Variants in BEND6 observed in about 807,000 individuals in gnomAD.
BEND6 encodes BEN domain-containing protein 6.
Under a neutral mutation model 31.8 loss-of-function variants are expected in BEND6, and 24 were observed. That is an observed-to-expected ratio of 0.75 (90% CI 0.55 to 1.06). BEND6 has a LOEUF of 1.06. BEND6 is among the 50% of genes least tolerant of loss of function. BEND6 has a pLI of 0.00. For synonymous variants in BEND6, 109 were observed against 114.6 expected (o/e 0.95, Z 0.31); for missense variants, 294 against 327.4 (o/e 0.90, Z 0.79).
chr6:56,965,648 C>T (rs140186658), intron 1 of BEND6, among the ~76,000 whole-genome samples: 76 of 140,876 alleles, frequency 5.4e-4, no homozygotes, highest in Non-Finnish European at 8.5e-4. Flanking sequence ...TGTGACAAAG[C>T]GAGATCCTGT....
intron 3 of BEND6, among the ~76,000 whole-genome samples, chr6:57,005,769 T>A (rs575121221): frequency 1.9e-3 from 273 of 142,846 alleles, no homozygotes; most frequent in African/African-American, 7.5e-3. Flanking sequence ...GTAATCCCAA[T>A]TAAAATACCA....
rs865860557 is a variant in BEND6, at chr6:57,001,350, G to A, written c.298+8795G>A. Among the ~76,000 whole-genome samples, 14 of 152,116 alleles carry A rather than the reference G, an allele frequency of 9.2e-5. 2 individuals carry two copies. The South Asian group carries it at 2.7e-3, about 29-fold the overall frequency. On this transcript the variant is annotated intron_variant, in intron 3 of 6. Coordinates refer to ENST00000370746, the MANE Select transcript of BEND6 (RefSeq NM_152731.3). ...GGCCAATTTTTCTATTTTTTGAAAA[G>A]ATGGGGTTTTGCCATGTTGTCCAGG... is the stretch of plus-strand genomic sequence containing the variant.
At chr6:57,020,473 T>C (rs1322361487) in intron 6 of BEND6, among the ~76,000 whole-genome samples, 2 of 152,130 alleles carry the variant, frequency 1.3e-5, no homozygotes, top group African/African-American at 4.8e-5. Flanking sequence ...CAGGCTGTAG[T>C]TCAGTGGCGC....
At chr6:56,967,808 T>C (rs903311084) in intron 1 of BEND6, among the ~76,000 whole-genome samples, 2 of 152,198 alleles carry the variant, frequency 1.3e-5, no homozygotes, top group Non-Finnish European at 2.9e-5. Flanking sequence ...GACTTGATGA[T>C]TAGCTGCTAA....
chr6:57,000,340 T>TTAA (rs1347816523), intron 3 of BEND6, among the ~76,000 whole-genome samples: 1 of 151,792 alleles, frequency 6.6e-6, no homozygotes, highest in Non-Finnish European at 1.5e-5. Context: ...GTTAAATGGG[T>TTAA]TAAGGGTGGT....
intron 2 of BEND6, among the ~76,000 whole-genome samples, chr6:56,984,387 C>T (rs1053652518): frequency 5.3e-5 from 8 of 152,128 alleles, no homozygotes; most frequent in African/African-American, 1.7e-4. Flanking sequence ...CATCAGTGTA[C>T]GTGCCCAGCA....
Position 56,978,313 on chromosome 6 carries a change from T to A in BEND6, c.-100-3398T>A, listed in dbSNP as rs1825960151. On this transcript the variant is annotated intron_variant, in intron 1 of 6. Coordinates refer to ENST00000370746, the MANE Select transcript of BEND6 (RefSeq NM_152731.3). Reference sequence around the variant, plus strand: ...AAATAAAATAAAATAAAATATACAATTAAATGTGGAGGGTTTTTTTTGTAT... The same window carrying A: ...AAATAAAATAAAATAAAATATACAAATAAATGTGGAGGGTTTTTTTTGTAT... Among the ~76,000 whole-genome samples, 2 of 151,884 alleles carry A rather than the reference T, an allele frequency of 1.3e-5. 1 individual carries two copies. The highest frequency in any genetic ancestry group is 4.2e-4 in the South Asian group (2 of 4,818).
chr6:56,970,161 A>G (rs1825640766), intron 1 of BEND6, among the ~76,000 whole-genome samples: 1 of 152,170 alleles, frequency 6.6e-6, no homozygotes, highest in South Asian at 2.1e-4. Context: ...AAAAAAATTT[A>G]AAGCTCTTGG....
chr6:56,986,888 A>G (rs1232346910), intron 2 of BEND6, among the ~76,000 whole-genome samples: 1 of 151,516 alleles, frequency 6.6e-6, no homozygotes, highest in Admixed American at 6.6e-5. Flanking sequence ...GAAATTTGCC[A>G]TCCTGGCACA....
intron 1 of BEND6, among the ~76,000 whole-genome samples, chr6:56,970,611 G>C (rs867297037): frequency 2.1e-4 from 32 of 152,104 alleles, no homozygotes; most frequent in African/African-American, 7.5e-4. Context: ...GCCACATAGT[G>C]AATTTTTTTA....
At position 56,964,121 on chromosome 6, in the gene BEND6, A is replaced by T. The variant is rs1825385913; in HGVS notation, c.-101+8661A>T. On this transcript the variant is annotated intron_variant, in intron 1 of 6. Coordinates refer to ENST00000370746, the MANE Select transcript of BEND6 (RefSeq NM_152731.3). ...GTATTTTATTATTCCCATTTCACAGATGGAGAGACAGAAGCACAGAAAGAT... is the reference window on the plus strand; with the variant it reads ...GTATTTTATTATTCCCATTTCACAGTTGGAGAGACAGAAGCACAGAAAGAT... Among the ~76,000 whole-genome samples, 3 of 151,404 alleles carry T rather than the reference A, an allele frequency of 2.0e-5. No individual in the cohort carries two copies. The South Asian group carries it at 6.3e-4, about 32-fold the overall frequency.
At position 56,988,199 on chromosome 6, in the gene BEND6, G is replaced by A. The variant is rs1826354103; in HGVS notation, c.121-4179G>A. Among the ~76,000 whole-genome samples, 3 of 151,762 alleles carry A rather than the reference G, an allele frequency of 2.0e-5. No individual in the cohort carries two copies. The South Asian group carries it at 6.2e-4, about 32-fold the overall frequency. ...GCCCGGCTAATTTTTTGTATTTTTA[G>A]TTGAGACGGGGTTTCACCATGTTGG... On this transcript the variant is annotated intron_variant, in intron 2 of 6. Transcript: ENST00000370746.
At chr6:56,969,530 A>G (rs1475725052) in intron 1 of BEND6, among the ~76,000 whole-genome samples, 1 of 152,178 alleles carries the variant, frequency 6.6e-6, no homozygotes, top group Admixed American at 6.5e-5. Flanking sequence ...ATGTCTATAC[A>G]TTTCAAAACT....
At chr6:56,992,120 T>C (rs998681897) in intron 2 of BEND6, among the ~76,000 whole-genome samples, 2 of 152,244 alleles carry the variant, frequency 1.3e-5, no homozygotes, top group Non-Finnish European at 2.9e-5. Flanking sequence ...TTTTCTACTT[T>C]GTATTTTTCA....
Position 56,981,801 on chromosome 6 carries a change from A to G in BEND6, c.-10A>G. 1 of 1,611,560 alleles carries G rather than the reference A, an allele frequency of 6.2e-7. No homozygotes were observed. Among genetic ancestry groups the G allele is most frequent in the Non-Finnish European group, 8.5e-7 (1 of 1,179,022 alleles). On this transcript the variant is annotated 5_prime_UTR_variant, in exon 2 of 7. Transcript: ENST00000370746. ...GGATTTCAGAAAACCTTTGATAACT[A>G]ATTGAGAAAATGCAGAAGATCGTGC... is the stretch of plus-strand genomic sequence containing the variant.
intron 1 of BEND6, among the ~76,000 whole-genome samples, chr6:56,972,736 G>C (rs1825733187): frequency 6.6e-6 from 1 of 152,150 alleles, no homozygotes. Context: ...GTATTAGTAA[G>C]CTCAGGCCGC....
chr6:56,977,127 T>A (rs557188573), intron 1 of BEND6, among the ~76,000 whole-genome samples: 2 of 152,336 alleles, frequency 1.3e-5, no homozygotes, highest in Admixed American at 1.3e-4. Context: ...TTACAGATAG[T>A]GAAATTATAA....
intron 1 of BEND6, among the ~76,000 whole-genome samples, chr6:56,974,326 A>T (rs1326659623): frequency 1.3e-5 from 2 of 152,220 alleles, no homozygotes; most frequent in Non-Finnish European, 2.9e-5. Context: ...AAATATATGG[A>T]TCTTTAGGTC....
At chr6:57,018,830 T>G (rs914028800) in intron 6 of BEND6, among the ~76,000 whole-genome samples, 1 of 152,176 alleles carries the variant, frequency 6.6e-6, no homozygotes, top group East Asian at 1.9e-4. Context: ...GAAAGGGATA[T>G]AGTATGTAGT....
Sources: gnomAD v4.1 joint callset for allele counts (sites outside exome capture counted in the v4.1 genomes callset) on GRCh38, gnomAD v4.1.1 for gene constraint, MANE v1.5 for transcripts, NCBI Gene and HGNC (gene_info 2026-07-23, HGNC 2026-07-21) for gene names.